The following ATP12A variants were observed in gnomAD, a reference collection of about 807,000 sequenced individuals.
ATP12A encodes potassium-transporting ATPase alpha chain 2.
ATP12A carries 81 observed loss-of-function variants against 111.2 expected under a neutral mutation model. That is an observed-to-expected ratio of 0.73 (90% CI 0.61 to 0.88). The LOEUF (loss-of-function observed/expected upper bound fraction) is 0.88. Among genes scored for constraint, ATP12A ranks in the 40% least tolerant of loss-of-function variants. The pLI is 0.00. For synonymous variants in ATP12A, 498 were observed against 499.8 expected (o/e 1.00, Z 0.05); for missense variants, 1,196 against 1,313.1 (o/e 0.91, Z 1.38).
At position 24,690,305 on chromosome 13, in the gene ATP12A, G is replaced by T. The variant is rs1243831337; in HGVS notation, c.547-33G>T. On this transcript the variant is annotated intron_variant, in intron 5 of 22. Transcript: ENST00000381946. ...GGGGGAGGGCCGGTGTCCTTCCAGG[G>T]TCTGAGGCATCTGTCATGGTTTTTT... 1.9e-6 allele frequency: 3 copies of T among 1,610,968 alleles called. No homozygotes were observed. The South Asian group carries it at 3.3e-5, about 18-fold the overall frequency.
Position 24,707,011 on chromosome 13 carries a change from C to T in ATP12A, c.2170-12C>T. 1.9e-6 allele frequency: 3 copies of T among 1,580,032 alleles called. No homozygotes were observed. The highest frequency in any genetic ancestry group is 2.6e-6 in the Non-Finnish European group (3 of 1,161,134). On this transcript the variant is annotated splice_polypyrimidine_tract_variant and intron_variant, in intron 15 of 22. Coordinates refer to ENST00000381946, the MANE Select transcript of ATP12A (RefSeq NM_001676.7). Reference sequence around the variant, plus strand: ...GCTCACTCCCACTTTCTCCCTGGGTCCCCCGCCATAGGATGCTGTTGTTGC... The same window carrying T: ...GCTCACTCCCACTTTCTCCCTGGGTTCCCCGCCATAGGATGCTGTTGTTGC...
chr13:24,692,406 A>T (rs1874944263), intron 8 of ATP12A, 23 bp from the exon 9 acceptor site: 1 of 1,609,474 alleles, frequency 6.2e-7, no homozygotes, highest in African/African-American at 1.3e-5. Flanking sequence ...TTTTTCCCAA[A>T]GCGTCCTTCC....
chr13:24,682,814 A>G (rs1874529723), intron 2 of ATP12A, among the ~76,000 whole-genome samples: 1 of 152,192 alleles, frequency 6.6e-6, no homozygotes, highest in Non-Finnish European at 1.5e-5. Flanking sequence ...CTGAAGGTCC[A>G]TTTCCTTTAT....
At position 24,711,611 on chromosome 13, in the gene ATP12A, C is replaced by A; in HGVS notation, c.*89C>A. The A allele has an allele frequency of 6.5e-7, 1 of 1,544,296 alleles. No individual in the cohort carries two copies. Among genetic ancestry groups the A allele is most frequent in the Non-Finnish European group, 8.9e-7 (1 of 1,123,726 alleles). ...TTTGCTGGGCTATTCCCCTGCAGTG[C>A]AGACATCGTCAAAATTCAGACAAGA... is the stretch of plus-strand genomic sequence containing the variant. On this transcript the variant is annotated 3_prime_UTR_variant, in exon 23 of 23. Transcript: ENST00000381946.
Position 24,700,745 on chromosome 13 carries a change from A to G in ATP12A, c.1706-2A>G, listed in dbSNP as rs138823801. The G allele has an allele frequency of 5.8e-5, 94 of 1,612,976 alleles. 1 individual carries two copies. In the South Asian group the frequency reaches 8.2e-4, roughly 14 times the overall value. On this transcript the variant is annotated splice_acceptor_variant, in intron 12 of 22. Coordinates refer to ENST00000381946, the MANE Select transcript of ATP12A (RefSeq NM_001676.7). LOFTEE classifies it high-confidence loss of function. ...TGACTCACTAATTCATCTGTATTAC[A>G]GGTTTCTGTCATCTCTACCTGCCAG...
intron 5 of ATP12A, among the ~76,000 whole-genome samples, chr13:24,689,892 C>T (rs1433087407): frequency 2.0e-5 from 3 of 152,194 alleles, no homozygotes; most frequent in Admixed American, 6.5e-5. Flanking sequence ...GAGATCACCT[C>T]GTTAAAATTT....
At chr13:24,694,766 C>T (rs1295592723) in intron 11 of ATP12A, among the ~76,000 whole-genome samples, 188 bp downstream of exon 11, 1 of 152,080 alleles carries the variant, frequency 6.6e-6, no homozygotes, top group Non-Finnish European at 1.5e-5. Flanking sequence ...AACCCTGAAG[C>T]AGGGCAGAGA....
In ATP12A at chr13:24,711,371, A is replaced by T; in HGVS notation, c.3053A>T (p.Asp1018Val). The stretch of plus-strand genomic sequence containing the variant: ...CACGCCATCCTGATCTGGGTGTATG[A>T]TGAGGTGCGGAAGCTCTTCATCAGG... ...VPHAILIWVY[D>V]EVRKLFIRLY... is the part of the protein sequence containing the mutation. Residue 1018 changes from aspartate to valine, a missense_variant, in exon 22 of 23, where the codon GAT (aspartate) becomes GTT (valine). By Grantham distance (152) the Asp-to-Val change is radical. Around this residue, in one of 3 missense-constraint regions of ATP12A, gnomAD observed 1,126 missense variants for 1,228.5 expected, o/e 0.92. Transcript: ENST00000381946. 6.2e-7 allele frequency: 1 copy of T among 1,611,708 alleles called. No individual in the cohort carries two copies. The highest frequency in any genetic ancestry group is 8.5e-7 in the Non-Finnish European group (1 of 1,178,902).
At chr13:24,706,768 A>T (rs1875667845) in intron 15 of ATP12A, among the ~76,000 whole-genome samples, 1 of 152,206 alleles carries the variant, frequency 6.6e-6, no homozygotes, top group Non-Finnish European at 1.5e-5. Flanking sequence ...CAAAGATTTA[A>T]AACAAAAAAT....
chr13:24,683,432 G>A (rs1007959068), intron 2 of ATP12A, among the ~76,000 whole-genome samples: 1 of 152,218 alleles, frequency 6.6e-6, no homozygotes, highest in Admixed American at 6.5e-5. Flanking sequence ...TTTTGTGCTA[G>A]AGAGCCATTT....
At chr13:24,703,550 A>T (rs9581151) in intron 14 of ATP12A, 40,872 of 152,078 alleles carry the variant, frequency 0.27, 5,785 homozygotes, top group East Asian at 0.48. Flanking sequence ...ACTAAAAGAA[A>T]TTTTTTTAAG....
Position 24,691,268 on chromosome 13 carries a change from G to A in ATP12A, c.1068+18G>A. ...CTGTCACTGTGAGTCCATGCTGTTA[G>A]ACAGCCTGCACCTGGCCCTGTGGAC... is the stretch of plus-strand genomic sequence containing the variant. On this transcript the variant is annotated intron_variant, in intron 8 of 22. Transcript: ENST00000381946. 1.3e-6 allele frequency: 2 copies of A among 1,599,600 alleles called. No individual in the cohort carries two copies. Among genetic ancestry groups the A allele is most frequent in the Non-Finnish European group, 1.7e-6 (2 of 1,173,614 alleles).
rs550063994 is a variant in ATP12A, at chr13:24,701,919, G to T, written c.1882-16G>T. 2 of 1,614,108 alleles carry T rather than the reference G, an allele frequency of 1.2e-6. No individual in the cohort carries two copies. The highest frequency in any genetic ancestry group is 3.3e-5 in the Admixed American group (2 of 60,036). ...TTCTTCATTACCCGTGGGCCTTCTC[G>T]TTGTCTTTGCTCTAGGTTATTATGG... On this transcript the variant is annotated splice_polypyrimidine_tract_variant and intron_variant, in intron 13 of 22. Transcript: ENST00000381946.
In ATP12A at chr13:24,680,707, G is replaced by A. The variant is rs1874396959; in HGVS notation, c.-37G>A. On this transcript the variant is annotated 5_prime_UTR_variant, in exon 1 of 23. Transcript: ENST00000381946. ...TCCGCCGCTGCGGTCCCGGATCCGCGCTCCACGCCCGCAGCCCGCGGCGCC... is the reference window on the plus strand; with the variant it reads ...TCCGCCGCTGCGGTCCCGGATCCGCACTCCACGCCCGCAGCCCGCGGCGCC... The A allele has an allele frequency of 6.7e-7, 1 of 1,500,886 alleles. No homozygotes were observed. Among genetic ancestry groups the A allele is most frequent in the Non-Finnish European group, 8.8e-7 (1 of 1,132,436 alleles). The allele number at this position is 1,500,886 out of a possible 1,614,324, so 93.0% of individuals were successfully genotyped here. A position where few individuals can be genotyped will look rare whatever the true frequency, so the allele number is the denominator to read the frequency against.
chr13:24,693,376 A>T (rs1874993304), intron 10 of ATP12A, among the ~76,000 whole-genome samples: 1 of 150,598 alleles, frequency 6.6e-6, no homozygotes, highest in Non-Finnish European at 1.5e-5. Context: ...TTTCCTCTCC[A>T]TCTCAATGAG....
intron 14 of ATP12A, among the ~76,000 whole-genome samples, chr13:24,703,293 A>T (rs1875474476): frequency 6.6e-6 from 1 of 152,226 alleles, no homozygotes; most frequent in East Asian, 1.9e-4. Flanking sequence ...CCCACGCTGT[A>T]ATGCAGTGGT....
chr13:24,708,904 A>AGAAG (rs1875799360), intron 17 of ATP12A, among the ~76,000 whole-genome samples: 1 of 71,372 alleles, frequency 1.4e-5, no homozygotes, highest in African/African-American at 6.5e-5. Context: ...AAGAAAGGAA[A>AGAAG]GAAAGAAAGA....
At position 24,698,758 on chromosome 13, in the gene ATP12A, T is replaced by A. The variant is rs1414538955; in HGVS notation, c.1613T>A (p.Ile538Asn). Residue 538 changes from isoleucine (I) to asparagine (N), a missense_variant, in exon 12 of 23, where the codon ATC becomes AAC. Ile to Asn is a moderately radical substitution (Grantham distance 149). This residue lies in a region of ATP12A where 1,126 missense variants were observed against 1,228.5 expected (regional missense o/e 0.92). Coordinates refer to ENST00000381946, the MANE Select transcript of ATP12A (RefSeq NM_001676.7). Reference protein sequence around the residue: ...RILEKCSTIMINGEEHPLDKS... With the variant: ...RILEKCSTIMNNGEEHPLDKS... ...CTAGAGAAATGCAGCACCATCATGA[T>A]CAACGGCGAGGAGCACCCACTGGAC... 1 of 1,613,844 alleles carries A rather than the reference T, an allele frequency of 6.2e-7. No homozygotes were observed. Among genetic ancestry groups the A allele is most frequent in the Non-Finnish European group, 8.5e-7 (1 of 1,180,010 alleles).
chr13:24,696,619 G>T (rs1349808055), intron 11 of ATP12A, among the ~76,000 whole-genome samples: 3 of 125,412 alleles, frequency 2.4e-5, no homozygotes, highest in Non-Finnish European at 5.1e-5. Flanking sequence ...GGCTGAGGCA[G>T]GAGAATGGCG....
Sources: gnomAD v4.1 joint callset for allele counts (sites outside exome capture counted in the v4.1 genomes callset) on GRCh38, gnomAD v4.1.1 for gene constraint, gnomAD v4.1.1 regional missense constraint, MANE v1.5 for transcripts, NCBI Gene and HGNC (gene_info 2026-07-23, HGNC 2026-07-21) for gene names.